The following TARBP1 variants were observed in gnomAD, a reference collection of about 807,000 sequenced individuals.
TARBP1 encodes the protein tRNA guanosine 2 -O-methyltransferase TARBP1.
TARBP1 carries 144 observed loss-of-function variants against 178.6 expected under a neutral mutation model. The observed-to-expected ratio is 0.81, with a 90% CI of 0.70 to 0.93. The LOEUF is 0.93. Ranked by LOEUF, TARBP1 falls within the 40% of genes least tolerant of loss-of-function variation. TARBP1 has a pLI of 0.00. For missense variants in TARBP1, 2,067 were observed against 2,011.7 expected, an observed-to-expected ratio of 1.03 and a Z score of -0.53; for synonymous variants, 787 against 781.0, an observed-to-expected ratio of 1.01 and a Z score of -0.13.
At position 234,446,923 on chromosome 1, in the gene TARBP1, C is replaced by A. The variant is rs147429044; in HGVS notation, c.2014G>T (p.Asp672Tyr). ...VLRIFLDPLL[D>Y]VLMKFSTNAY... Reference sequence around the variant, plus strand: ...TTGGTACTAAACTTCATAAGCACATCCAGAAGAGGGTCTAAGAATATCCGC... The same window carrying A: ...TTGGTACTAAACTTCATAAGCACATACAGAAGAGGGTCTAAGAATATCCGC... The change falls in exon 12 of 30, where the codon GAT becomes TAT. Residue 672 changes from aspartate (D) to tyrosine (Y), a missense_variant. Asp to Tyr is a radical substitution (Grantham distance 160). Transcript: ENST00000040877. The A allele has an allele frequency of 6.2e-7, 1 of 1,613,910 alleles. No individual in the cohort carries two copies. Among genetic ancestry groups the A allele is most frequent in the Admixed American group, 1.7e-5 (1 of 59,992 alleles).
At chr1:234,416,878 C>T (rs778271066) in intron 22 of TARBP1, among the ~76,000 whole-genome samples, 20 of 152,040 alleles carry the variant, frequency 1.3e-4, no homozygotes, top group Non-Finnish European at 2.6e-4. Context: ...AGGGACCGGC[C>T]GAGATGGGCT....
Position 234,398,546 on chromosome 1 carries a change from A to C in TARBP1, c.4079T>G (p.Phe1360Cys). 2.5e-6 allele frequency: 4 copies of C among 1,576,028 alleles called. No individual in the cohort carries two copies. Among genetic ancestry groups the C allele is most frequent in the South Asian group, 1.2e-5 (1 of 84,574 alleles). The change falls in exon 26 of 30, where the codon TTT becomes TGT. Residue 1360 changes from phenylalanine to cysteine, a missense_variant. Coordinates refer to ENST00000040877, the MANE Select transcript of TARBP1 (RefSeq NM_005646.4). ...GCCTGAAAGGCGTGGAAGGATGTAA[A>C]ATATGGTCTGAAAAGAGAATTATAA... ...PLKDYCLETIFYILPRLSGLI... is the reference protein window; with the variant it reads ...PLKDYCLETICYILPRLSGLI...
At position 234,446,944 on chromosome 1, in the gene TARBP1, T is replaced by C. The variant is rs1666242749; in HGVS notation, c.1993A>G (p.Ile665Val). Residue 665 changes from isoleucine to valine, a missense_variant, in exon 12 of 30, where the codon ATA (isoleucine) becomes GTA (valine). Ile to Val is a conservative substitution (Grantham distance 29). Transcript: ENST00000040877. The stretch of plus-strand genomic sequence containing the variant: ...ACATCCAGAAGAGGGTCTAAGAATA[T>C]CCGCAATACATTCTCTGTTCTCTGC... ...GKQRTENVLR[I>V]FLDPLLDVLM... is the part of the protein sequence containing the mutation. The C allele has an allele frequency of 1.2e-6, 2 of 1,613,748 alleles. No individual in the cohort carries two copies. The highest frequency in any genetic ancestry group is 1.1e-5 in the South Asian group (1 of 91,034).
chr1:234,415,729 G>A (rs75090749), intron 22 of TARBP1, among the ~76,000 whole-genome samples: 1,723 of 152,316 alleles, frequency 0.011, 33 homozygotes, highest in African/African-American at 0.04. Context: ...GCTGGCTATA[G>A]CAAAGCCCTG....
At chr1:234,429,046 A>C (rs1294443408) in intron 17 of TARBP1, 90 bp downstream of exon 17, 2 of 1,230,804 alleles carry the variant, frequency 1.6e-6, no homozygotes, top group South Asian at 2.0e-5. Flanking sequence ...AAGAGCCAAA[A>C]ATCTAATTGT....
rs1669878419 is a variant in TARBP1 at position 234,479,051 on chromosome 1, GC to G, written c.52del (p.Ala18ProfsTer80). ...ALLSQSRDPRALLGALCQGEA... is the reference protein window; with the variant it reads ...ALLSQSRDPRXLLGALCQGEA... The stretch of plus-strand genomic sequence containing the variant: ...CCCTTGGCACAGCGCCCCAAGCAGG[GC>G]CCGGGGGTCCCGGCTCTGCGAGAGC... On this transcript the variant is annotated frameshift_variant, in exon 1 of 30. Coordinates refer to ENST00000040877, the MANE Select transcript of TARBP1 (RefSeq NM_005646.4). LOFTEE classifies it high-confidence loss of function. 3 of 1,538,794 alleles carry G rather than the reference GC, an allele frequency of 1.9e-6. No homozygotes were observed. The highest frequency in any genetic ancestry group is 2.6e-6 in the Non-Finnish European group (3 of 1,155,888).
intron 6 of TARBP1, among the ~76,000 whole-genome samples, chr1:234,460,969 G>A (rs760227206): frequency 3.9e-5 from 6 of 152,216 alleles, no homozygotes; most frequent in Non-Finnish European, 8.8e-5. Context: ...CCACTGACAT[G>A]AAATGTTGAG....
chr1:234,406,045 T>C lies in TARBP1; in HGVS notation c.3847A>G (p.Asn1283Asp). 1 of 1,614,192 alleles carries C rather than the reference T, an allele frequency of 6.2e-7. No individual in the cohort carries two copies. The highest frequency in any genetic ancestry group is 8.5e-7 in the Non-Finnish European group (1 of 1,180,028). ...IVVLQWCFNH[N>D]FSVRLYALVA... ...AAAGCATACAGTCGAACACTAAAAT[T>C]GTGATTGAAACACCACTGCAGCACA... The change falls in exon 24 of 30, where the codon AAT becomes GAT. Residue 1283 changes from asparagine to aspartate, a missense_variant. Coordinates refer to ENST00000040877, the MANE Select transcript of TARBP1 (RefSeq NM_005646.4).
At position 234,478,823 on chromosome 1, in the gene TARBP1, C is replaced by T; in HGVS notation, c.281G>A (p.Arg94Gln). The change falls in exon 1 of 30, where the codon CGG becomes CAG. Residue 94 changes from arginine (R) to glutamine (Q), a missense_variant. Physicochemically the swap from Arg to Gln is conservative, Grantham distance 43. Coordinates refer to ENST00000040877, the MANE Select transcript of TARBP1 (RefSeq NM_005646.4). The part of the protein sequence containing the change: ...PDPSLQPRHR[R>Q]RVLRAAGAAL... Reference sequence around the variant, plus strand: ...CGCGCCCGCCGCCCTCAGCACGCGCCGGCGGTGGCGAGGCTGCAGACTGGG... The same window carrying T: ...CGCGCCCGCCGCCCTCAGCACGCGCTGGCGGTGGCGAGGCTGCAGACTGGG... The T allele has an allele frequency of 8.5e-7, 1 of 1,180,842 alleles. No homozygotes were observed. The highest frequency in any genetic ancestry group is 1.0e-6 in the Non-Finnish European group (1 of 957,616). The allele number at this position is 1,180,842 out of a possible 1,614,324, so 73.1% of individuals were successfully genotyped here.
At chr1:234,462,140 C>T (rs756207093) in intron 6 of TARBP1, among the ~76,000 whole-genome samples, 2 of 152,224 alleles carry the variant, frequency 1.3e-5, no homozygotes, top group Admixed American at 6.5e-5. Context: ...TTTTGCCTAA[C>T]GCTTCACTCA....
At position 234,463,127 on chromosome 1, in the gene TARBP1, G is replaced by GGT. The variant is rs1553302197; in HGVS notation, c.1399+709_1399+710insAC. Among the ~76,000 whole-genome samples, 22 of 151,712 alleles carry GGT rather than the reference G, an allele frequency of 1.5e-4. No homozygotes were observed. In the South Asian group the frequency reaches 4.6e-3, roughly 32 times the overall value. ...TCTTACATAAAACAAGTGTTTTTTT[G>GGT]TTTTTTTTGTTTTTTTGAGACAGTC... On this transcript the variant is annotated intron_variant, in intron 6 of 29. Transcript: ENST00000040877.
intron 13 of TARBP1, among the ~76,000 whole-genome samples, chr1:234,434,796 G>A (rs1157897293): frequency 2.0e-5 from 3 of 151,852 alleles, no homozygotes; most frequent in East Asian, 1.9e-4. Flanking sequence ...GCTTTAAAGA[G>A]CTCTGGCTTC....
intron 1 of TARBP1, among the ~76,000 whole-genome samples, chr1:234,475,818 G>T (rs537251016): frequency 6.6e-6 from 1 of 152,214 alleles, no homozygotes; most frequent in Non-Finnish European, 1.5e-5. Flanking sequence ...TCCCAGGCTG[G>T]AGAAAAACCT....
intron 3 of TARBP1, among the ~76,000 whole-genome samples, chr1:234,469,077 T>TA (rs1327979551): frequency 0.28 from 17,601 of 62,624 alleles, 2,856 homozygotes; most frequent in Non-Finnish European, 0.4. Flanking sequence ...TTTTTTTTTT[T>TA]AAAAAAAAAA....
At chr1:234,459,440 C>A (rs1667619374) in intron 7 of TARBP1, 114 bp from the exon 8 acceptor site, 2 of 762,476 alleles carry the variant, frequency 2.6e-6, no homozygotes, top group Admixed American at 2.9e-5. Flanking sequence ...AGAAAGTCTG[C>A]AGAATTTCAA....
intron 3 of TARBP1, among the ~76,000 whole-genome samples, chr1:234,470,772 T>C (rs765684599): frequency 2.6e-5 from 4 of 151,942 alleles, no homozygotes; most frequent in Non-Finnish European, 5.9e-5. Flanking sequence ...CACACCACCA[T>C]GCCTGGCTAA....
chr1:234,447,655 T>C (rs1317725512), intron 11 of TARBP1, among the ~76,000 whole-genome samples: 1 of 152,192 alleles, frequency 6.6e-6, no homozygotes, highest in Non-Finnish European at 1.5e-5. Flanking sequence ...AGAGATTTGA[T>C]GTAAATCAAA....
At chr1:234,473,365 C>T (rs1025471346) in intron 1 of TARBP1, among the ~76,000 whole-genome samples, 10 of 152,210 alleles carry the variant, frequency 6.6e-5, no homozygotes, top group African/African-American at 9.7e-5. Context: ...CATCCCCAGG[C>T]CACTTTCCTA....
chr1:234,420,317 G>T (rs376878205), intron 21 of TARBP1, among the ~76,000 whole-genome samples: 2 of 152,184 alleles, frequency 1.3e-5, no homozygotes, highest in African/African-American at 4.8e-5. Context: ...CAATTTGCCT[G>T]GTTTCTACAG....
Sources: allele counts gnomAD v4.1 joint callset (sites outside exome capture counted in the v4.1 genomes callset), GRCh38; gene constraint gnomAD v4.1.1; transcripts MANE v1.5; gene names NCBI Gene and HGNC (gene_info 2026-07-23, HGNC 2026-07-21).